H1-0: variants seen among roughly 807,000 people sequenced by gnomAD.
The protein encoded by H1-0 is H1.0 linker histone.
Under a neutral mutation model 8.8 loss-of-function variants are expected in H1-0, and 5 were observed. The ratio of observed to expected loss-of-function variants is 0.57; its 90% CI spans 0.30 to 1.19. The LOEUF (loss-of-function observed/expected upper bound fraction) is 1.19. Ranked by LOEUF, H1-0 falls within the 50% of genes most tolerant of loss-of-function variation. H1-0 has a pLI of 0.08. For synonymous variants in H1-0, 143 were observed against 101.4 expected (o/e 1.41, Z -2.46); for missense variants, 231 against 242.0 (o/e 0.95, Z 0.30).
In H1-0 at chr22:37,806,183, A is replaced by T; in HGVS notation, c.*54A>T. The stretch of plus-strand genomic sequence containing the variant: ...CTCCTGTCTCCTATTTTCTGTAAAT[A>T]ATTTTCTCCTTTTTTCTCTCTTGAT... On this transcript the variant is annotated 3_prime_UTR_variant, in exon 1 of 1. Transcript: ENST00000340857. The T allele has an allele frequency of 7.1e-7, 1 of 1,400,260 alleles. No individual in the cohort carries two copies. The highest frequency in any genetic ancestry group is 9.7e-7 in the Non-Finnish European group (1 of 1,028,910). 86.7% of individuals were successfully genotyped at this position (1,400,260 alleles called of 1,614,324 possible).
Position 37,805,570 on chromosome 22 carries a change from C to T in H1-0, c.26C>T (p.Pro9Leu), listed in dbSNP as rs749957716. The change falls in exon 1 of 1, where the codon CCT becomes CTT. Residue 9 changes from proline (P) to leucine (L), a missense_variant. Transcript: ENST00000340857. ...ATGACCGAGAATTCCACGTCCGCCC[C>T]TGCGGCCAAGCCCAAGCGGGCCAAG... Reference protein sequence around the residue: MTENSTSAPAAKPKRAKAS... With the variant: MTENSTSALAAKPKRAKAS... 6.2e-7 allele frequency: 1 copy of T among 1,612,890 alleles called. No individual in the cohort carries two copies. The highest frequency in any genetic ancestry group is 1.1e-5 in the South Asian group (1 of 91,018).
Position 37,805,287 on chromosome 22 carries a change from C to T in H1-0, c.-258C>T, listed in dbSNP as rs1920974940. The T allele has an allele frequency of 5.3e-4, 1 of 1,888 alleles. No individual in the cohort carries two copies. The highest frequency in any genetic ancestry group is 0.083 in the Middle Eastern group (1 of 12). 0.1% of individuals were successfully genotyped at this position (1,888 alleles called of 1,614,324 possible). ...GCGGAGGCAGAGGCAGAGGCAGAGG[C>T]AGAGCCCGAGCCCGGTGCCGAGACC... On this transcript the variant is annotated 5_prime_UTR_variant, in exon 1 of 1. Coordinates refer to ENST00000340857, the MANE Select transcript of H1-0 (RefSeq NM_005318.4).
Position 37,805,493 on chromosome 22 carries a change from G to GT in H1-0, c.-52_-51insT. Reference sequence around the variant, plus strand: ...AGGCAGGCTTTGCTCAGCCTCCGACGAGGGCTGGCCCTTTGGAAGGCGCCT... The same window carrying GT: ...AGGCAGGCTTTGCTCAGCCTCCGACGTAGGGCTGGCCCTTTGGAAGGCGCCT... On this transcript the variant is annotated 5_prime_UTR_variant, in exon 1 of 1. Transcript: ENST00000340857. The GT allele has an allele frequency of 7.3e-7, 1 of 1,377,816 alleles. No individual in the cohort carries two copies. The highest frequency in any genetic ancestry group is 1.3e-5 in the South Asian group (1 of 78,150). The allele number at this position is 1,377,816 out of a possible 1,614,324, so 85.3% of individuals were successfully genotyped here.
chr22:37,806,356 T>G lies in H1-0; in HGVS notation c.*227T>G. ...TCTAATGATGAGAATGTACTTATAT[T>G]TTGTTTTGCTATTAACCTACTTACG... On this transcript the variant is annotated 3_prime_UTR_variant, in exon 1 of 1. Coordinates refer to ENST00000340857, the MANE Select transcript of H1-0 (RefSeq NM_005318.4). The G allele has an allele frequency of 1.8e-6, 1 of 558,294 alleles. No homozygotes were observed. The allele number at this position is 558,294 out of a possible 1,614,324, so 34.6% of individuals were successfully genotyped here. A position where few individuals can be genotyped will look rare whatever the true frequency, so the allele number is the denominator to read the frequency against.
In H1-0 at chr22:37,805,366, C is replaced by T. The variant is rs891930291; in HGVS notation, c.-179C>T. ...GCAAAGCCGGCTCGGCGAGCTCTCC[C>T]GACACCCGAGCCGGGGAGGAAAAGC... On this transcript the variant is annotated 5_prime_UTR_variant, in exon 1 of 1. Coordinates refer to ENST00000340857, the MANE Select transcript of H1-0 (RefSeq NM_005318.4). 10 of 574,652 alleles carry T rather than the reference C, an allele frequency of 1.7e-5. No homozygotes were observed. Among genetic ancestry groups the T allele is most frequent in the Admixed American group, 3.3e-5 (1 of 30,518 alleles). 35.6% of individuals were successfully genotyped at this position (574,652 alleles called of 1,614,324 possible).
Position 37,806,406 on chromosome 22 carries a change from T to A in H1-0, c.*277T>A. 2.4e-6 allele frequency: 1 copy of A among 420,804 alleles called. No homozygotes were observed. The allele number at this position is 420,804 out of a possible 1,614,324, so 26.1% of individuals were successfully genotyped here. ...GGGGTTAGGGATTTGCGGGGGGGGC[T>A]TGTGTGTTTTGTTGGCTTGTTTGCC... On this transcript the variant is annotated 3_prime_UTR_variant, in exon 1 of 1. Coordinates refer to ENST00000340857, the MANE Select transcript of H1-0 (RefSeq NM_005318.4).
In H1-0 at chr22:37,807,080, T is replaced by C. The variant is rs1383679830; in HGVS notation, c.*951T>C. 2 of 166,900 alleles carry C rather than the reference T, an allele frequency of 1.2e-5. No homozygotes were observed. The highest frequency in any genetic ancestry group is 2.9e-5 in the Non-Finnish European group (2 of 68,108). 10.3% of individuals were successfully genotyped at this position (166,900 alleles called of 1,614,324 possible). On this transcript the variant is annotated 3_prime_UTR_variant, in exon 1 of 1. Coordinates refer to ENST00000340857, the MANE Select transcript of H1-0 (RefSeq NM_005318.4). Reference sequence around the variant, plus strand: ...ACCTCCCGATCTCTTTTTGAGTCCTTTATTATAAGTAGTTGTAGCTGCGGG... The same window carrying C: ...ACCTCCCGATCTCTTTTTGAGTCCTCTATTATAAGTAGTTGTAGCTGCGGG...
At position 37,805,233 on chromosome 22, in the gene H1-0, G is replaced by A. The variant is rs1399218482; in HGVS notation, c.-312G>A. On this transcript the variant is annotated 5_prime_UTR_variant, in exon 1 of 1. Transcript: ENST00000340857. The stretch of plus-strand genomic sequence containing the variant: ...CGGATGCGCCGCCCAAGCGCCAGAC[G>A]CGGAGCTGGGAAAAGGGAGGCAGAG... The A allele has an allele frequency of 1.4e-5, 5 of 362,254 alleles. No homozygotes were observed. Among genetic ancestry groups the A allele is most frequent in the Non-Finnish European group, 2.5e-5 (5 of 197,884 alleles). 22.4% of individuals were successfully genotyped at this position (362,254 alleles called of 1,614,324 possible).
Position 37,806,448 on chromosome 22 carries a change from G to A in H1-0, c.*319G>A, listed in dbSNP as rs544337602. On this transcript the variant is annotated 3_prime_UTR_variant, in exon 1 of 1. Transcript: ENST00000340857. Reference sequence around the variant, plus strand: ...TTGTTTGCCATGAAGGTAGATGTGGGTGGGGAGAAGACACAAGGCAGTTTG... The same window carrying A: ...TTGTTTGCCATGAAGGTAGATGTGGATGGGGAGAAGACACAAGGCAGTTTG... The A allele has an allele frequency of 2.9e-6, 1 of 346,952 alleles. No homozygotes were observed. The highest frequency in any genetic ancestry group is 2.1e-5 in the African/African-American group (1 of 46,662). 21.5% of individuals were successfully genotyped at this position (346,952 alleles called of 1,614,324 possible).
rs1421428913 is a variant in H1-0, at chr22:37,805,787, C to T, written c.243C>T (p.Leu81=). 1 of 1,614,056 alleles carries T rather than the reference C, an allele frequency of 6.2e-7. No homozygotes were observed. The highest frequency in any genetic ancestry group is 1.1e-5 in the South Asian group (1 of 91,086). The change falls in exon 1 of 1, where the codon CTC becomes CTT. Residue 81 remains leucine, a synonymous_variant. Coordinates refer to ENST00000340857, the MANE Select transcript of H1-0 (RefSeq NM_005318.4). Reference sequence around the variant, plus strand: ...AGCGCCTGGTCACCACCGGTGTCCTCAAGCAGACCAAAGGGGTGGGGGCCT... The same window carrying T: ...AGCGCCTGGTCACCACCGGTGTCCTTAAGCAGACCAAAGGGGTGGGGGCCT... The part of the protein sequence containing the change: ...SIKRLVTTGV[L]KQTKGVGASG...
rs1200800729 is a variant in H1-0, at chr22:37,805,399, C to T, written c.-146C>T. On this transcript the variant is annotated 5_prime_UTR_variant, in exon 1 of 1. Coordinates refer to ENST00000340857, the MANE Select transcript of H1-0 (RefSeq NM_005318.4). Reference sequence around the variant, plus strand: ...GAGCCGGGGAGGAAAAGCAGCGACTCCTCGCTCGCATCCCCGGGAGCCGCA... The same window carrying T: ...GAGCCGGGGAGGAAAAGCAGCGACTTCTCGCTCGCATCCCCGGGAGCCGCA... The T allele has an allele frequency of 1.7e-5, 10 of 605,780 alleles. No individual in the cohort carries two copies. The highest frequency in any genetic ancestry group is 2.3e-5 in the Non-Finnish European group (8 of 349,090). 37.5% of individuals were successfully genotyped at this position (605,780 alleles called of 1,614,324 possible).
At position 37,806,139 on chromosome 22, in the gene H1-0, C is replaced by A. The variant is rs1243430823; in HGVS notation, c.*10C>A. The A allele has an allele frequency of 8.2e-6, 13 of 1,590,010 alleles. No homozygotes were observed. The highest frequency in any genetic ancestry group is 6.8e-5 in the East Asian group (3 of 44,260). ...CGGCAAGAAGAAGTGACAATGAAGT[C>A]TTTTCTTGCGGACACTCCCTCCTGT... is the stretch of plus-strand genomic sequence containing the variant. On this transcript the variant is annotated 3_prime_UTR_variant, in exon 1 of 1. Transcript: ENST00000340857.
chr22:37,805,458 G>A lies in H1-0; in HGVS notation c.-87G>A. ...TGGCCCGGTAGTCAGGGGCTCAGGAGCAGATCCCGAGGCAGGCTTTGCTCA... is the reference window on the plus strand; with the variant it reads ...TGGCCCGGTAGTCAGGGGCTCAGGAACAGATCCCGAGGCAGGCTTTGCTCA... On this transcript the variant is annotated 5_prime_UTR_variant, in exon 1 of 1. Coordinates refer to ENST00000340857, the MANE Select transcript of H1-0 (RefSeq NM_005318.4). 1.0e-6 allele frequency: 1 copy of A among 963,816 alleles called. No homozygotes were observed. The highest frequency in any genetic ancestry group is 1.6e-6 in the Non-Finnish European group (1 of 636,846). 59.7% of individuals were successfully genotyped at this position (963,816 alleles called of 1,614,324 possible).
chr22:37,806,002 C>A lies in H1-0; in HGVS notation c.458C>A (p.Thr153Lys). 6.2e-7 allele frequency: 1 copy of A among 1,614,082 alleles called. No homozygotes were observed. Among genetic ancestry groups the A allele is most frequent in the Non-Finnish European group, 8.5e-7 (1 of 1,180,026 alleles). Reference sequence around the variant, plus strand: ...AAGGCCAAGAAGAAGCTGGCTGCCACGCCCAAGAAAGCCAAAAAACCCAAG... The same window carrying A: ...AAGGCCAAGAAGAAGCTGGCTGCCAAGCCCAAGAAAGCCAAAAAACCCAAG... ...VKKAKKKLAATPKKAKKPKTV... is the reference protein window; with the variant it reads ...VKKAKKKLAAKPKKAKKPKTV... The change falls in exon 1 of 1, where the codon ACG (threonine) becomes AAG (lysine). Residue 153 changes from threonine to lysine, a missense_variant. By Grantham distance (78) the Thr-to-Lys change is moderately conservative (BLOSUM62 -1). Transcript: ENST00000340857.
Position 37,806,159 on chromosome 22 carries a change from T to A in H1-0, c.*30T>A. 1 of 1,503,324 alleles carries A rather than the reference T, an allele frequency of 6.7e-7. No individual in the cohort carries two copies. Among genetic ancestry groups the A allele is most frequent in the Non-Finnish European group, 9.1e-7 (1 of 1,102,130 alleles). The allele number at this position is 1,503,324 out of a possible 1,614,324, so 93.1% of individuals were successfully genotyped here. On this transcript the variant is annotated 3_prime_UTR_variant, in exon 1 of 1. Transcript: ENST00000340857. ...GAAGTCTTTTCTTGCGGACACTCCC[T>A]CCTGTCTCCTATTTTCTGTAAATAA...
At position 37,805,382 on chromosome 22, in the gene H1-0, G is replaced by A. The variant is rs1411529872; in HGVS notation, c.-163G>A. The A allele has an allele frequency of 1.7e-6, 1 of 583,022 alleles. No individual in the cohort carries two copies. The highest frequency in any genetic ancestry group is 3.0e-5 in the East Asian group (1 of 33,572). The allele number at this position is 583,022 out of a possible 1,614,324, so 36.1% of individuals were successfully genotyped here. On this transcript the variant is annotated 5_prime_UTR_variant, in exon 1 of 1. Transcript: ENST00000340857. ...GAGCTCTCCCGACACCCGAGCCGGGGAGGAAAAGCAGCGACTCCTCGCTCG... is the reference window on the plus strand; with the variant it reads ...GAGCTCTCCCGACACCCGAGCCGGGAAGGAAAAGCAGCGACTCCTCGCTCG...
Position 37,805,956 on chromosome 22 carries a change from C to T in H1-0, c.412C>T (p.Pro138Ser). The change falls in exon 1 of 1, where the codon CCC (proline) becomes TCC (serine). Residue 138 changes from proline (P) to serine (S), a missense_variant. Transcript: ENST00000340857. ...TGCCTCCAAAGCCCCAACCAAGAAA[C>T]CCAAAGCCACCCCGGTCAAGAAGGC... is the stretch of plus-strand genomic sequence containing the variant. ...KAASKAPTKK[P>S]KATPVKKAKK... is the part of the protein sequence containing the mutation. The T allele has an allele frequency of 1.9e-6, 3 of 1,614,052 alleles. No homozygotes were observed. Among genetic ancestry groups the T allele is most frequent in the East Asian group, 4.5e-5 (2 of 44,878 alleles).
Position 37,805,665 on chromosome 22 carries a change from A to G in H1-0, c.121A>G (p.Asn41Asp). 6.2e-7 allele frequency: 1 copy of G among 1,614,144 alleles called. No homozygotes were observed. Among genetic ancestry groups the G allele is most frequent in the Non-Finnish European group, 8.5e-7 (1 of 1,180,010 alleles). ...MIVAAIQAEK[N>D]RAGSSRQSIQ... ...CGTGGCTGCCATCCAGGCCGAGAAG[A>G]ACCGCGCTGGCTCCTCGCGCCAGTC... is the stretch of plus-strand genomic sequence containing the variant. Residue 41 changes from asparagine (N) to aspartate (D), a missense_variant, in exon 1 of 1, where the codon AAC becomes GAC. Physicochemically the swap from Asn to Asp is conservative, Grantham distance 23. Coordinates refer to ENST00000340857, the MANE Select transcript of H1-0 (RefSeq NM_005318.4).
Position 37,805,500 on chromosome 22 carries a change from G to A in H1-0, c.-45G>A. 7.0e-7 allele frequency: 1 copy of A among 1,437,338 alleles called. No homozygotes were observed. Among genetic ancestry groups the A allele is most frequent in the Non-Finnish European group, 9.7e-7 (1 of 1,036,262 alleles). 89.0% of individuals were successfully genotyped at this position (1,437,338 alleles called of 1,614,324 possible). On this transcript the variant is annotated 5_prime_UTR_variant, in exon 1 of 1. Transcript: ENST00000340857. Reference sequence around the variant, plus strand: ...CTTTGCTCAGCCTCCGACGAGGGCTGGCCCTTTGGAAGGCGCCTTCAACAG... The same window carrying A: ...CTTTGCTCAGCCTCCGACGAGGGCTAGCCCTTTGGAAGGCGCCTTCAACAG...
Sources: allele counts gnomAD v4.1 joint callset, GRCh38; gene constraint gnomAD v4.1.1; transcripts MANE v1.5; gene names NCBI Gene and HGNC (gene_info 2026-07-23, HGNC 2026-07-21).